PCDHA3: variants seen among roughly 807,000 people sequenced by gnomAD.
The protein encoded by PCDHA3 is protocadherin alpha 3.
PCDHA3 carries 41 observed loss-of-function variants against 62.2 expected under a neutral mutation model. The observed-to-expected ratio is 0.66, with a 90% CI of 0.51 to 0.86. The LOEUF is 0.86. Among genes scored for constraint, PCDHA3 ranks in the 40% least tolerant of loss-of-function variants. PCDHA3 has a pLI of 0.00. For synonymous variants in PCDHA3, 640 were observed against 555.4 expected (o/e 1.15, Z -2.14); for missense variants, 1,304 against 1,241.2 (o/e 1.05, Z -0.76).
chr5:140,849,738 C>T (rs1562459111), intron 1 of PCDHA3: 4 of 1,598,360 alleles, frequency 2.5e-6, no homozygotes, highest in East Asian at 2.2e-5. Flanking sequence ...AGCTCTGGAC[C>T]GCGAGAGTGT....
intron 1 of PCDHA3, chr5:140,856,983 G>A: frequency 6.3e-7 from 1 of 1,595,186 alleles, no homozygotes; most frequent in Non-Finnish European, 8.6e-7. Flanking sequence ...TTTGAGGACA[G>A]TAACACTTAT....
At chr5:140,803,976 G>T in intron 1 of PCDHA3, 2 of 309,834 alleles carry the variant, frequency 6.5e-6, no homozygotes, top group South Asian at 4.7e-5. Context: ...TTTTCATTTG[G>T]ACTTCCTACT....
At chr5:140,968,236 T>C in intron 1 of PCDHA3, 1 of 1,614,006 alleles carries the variant, frequency 6.2e-7, no homozygotes, top group East Asian at 2.2e-5. Flanking sequence ...TGCTCTGTAC[T>C]GTGCAAGCCA....
chr5:140,805,858 T>C (rs1469132230), intron 1 of PCDHA3, among the ~76,000 whole-genome samples: 1 of 152,160 alleles, frequency 6.6e-6, no homozygotes, highest in East Asian at 1.9e-4. Flanking sequence ...TCACCTTAAA[T>C]TAATGCATTT....
intron 1 of PCDHA3, chr5:140,812,382 C>T (rs1027211220): frequency 6.6e-6 from 1 of 151,602 alleles, no homozygotes; most frequent in Non-Finnish European, 1.5e-5. Context: ...TTGTTTTTTT[C>T]TTAGTCTAGC....
intron 1 of PCDHA3, chr5:140,830,444 A>G (rs1204273362): frequency 1.2e-6 from 2 of 1,603,464 alleles, no homozygotes; most frequent in African/African-American, 2.7e-5. Flanking sequence ...TATGATGGGT[A>G]AGGCGGAGAA....
chr5:140,805,459 G>A, intron 1 of PCDHA3: 1 of 1,017,546 alleles, frequency 9.8e-7, no homozygotes, highest in Non-Finnish European at 1.2e-6. Context: ...GTTTGTGTGA[G>A]TGTAGTTCTT....
At chr5:140,825,342 A>G (rs1554130192) in intron 1 of PCDHA3, 1 of 147,852 alleles carries the variant, frequency 6.8e-6, no homozygotes, top group South Asian at 2.1e-4. Flanking sequence ...ATTTTTCAAT[A>G]TATCTAATAT....
intron 1 of PCDHA3, among the ~76,000 whole-genome samples, chr5:140,909,417 G>A (rs1016868783): frequency 2.0e-5 from 3 of 152,156 alleles, no homozygotes; most frequent in Non-Finnish European, 1.5e-5. Flanking sequence ...TTACCATTTG[G>A]TTAAACTTAT....
chr5:140,961,477 G>T (rs2095615587), intron 1 of PCDHA3, among the ~76,000 whole-genome samples: 1 of 152,006 alleles, frequency 6.6e-6, no homozygotes, highest in African/African-American at 2.4e-5. Flanking sequence ...TTTTTGTCTT[G>T]TCCACGTGAG....
Position 140,816,793 on chromosome 5 carries a change from C to T in PCDHA3, c.2394+13202C>T, listed in dbSNP as rs2126675269. 4 of 147,716 alleles carry T rather than the reference C, an allele frequency of 2.7e-5. No individual in the cohort carries two copies. The East Asian group carries it at 7.9e-4, about 29-fold the overall frequency. 9.2% of individuals were successfully genotyped at this position (147,716 alleles called of 1,614,324 possible). A position where few individuals can be genotyped will look rare whatever the true frequency, so the allele number is the denominator to read the frequency against. ...ATTCCTAATTAGAGGGATCTGCCAG[C>T]TTTTTTTTTTAAGATGCTCTAATCT... On this transcript the variant is annotated intron_variant, in intron 1 of 3. Coordinates refer to ENST00000522353, the MANE Select transcript of PCDHA3 (RefSeq NM_018906.3).
intron 1 of PCDHA3, among the ~76,000 whole-genome samples, chr5:140,818,604 T>A (rs537338051): frequency 6.6e-6 from 1 of 152,274 alleles, no homozygotes; most frequent in South Asian, 2.1e-4. Flanking sequence ...GTGTGGGCCA[T>A]GACAGGAGGA....
Position 140,803,349 on chromosome 5 carries a change from T to C in PCDHA3, c.2152T>C (p.Tyr718His), listed in dbSNP as rs1763177985. Residue 718 changes from tyrosine (Y) to histidine (H), a missense_variant, in exon 1 of 4, where the codon TAT (tyrosine) becomes CAT (histidine). Tyr to His is a moderately conservative substitution (Grantham distance 83). Transcript: ENST00000522353. The stretch of plus-strand genomic sequence containing the variant: ...TCTGTTGGTGCTCACACTGCTGCTA[T>C]ATACTGCTCTGCGGTGCTCCGCGCC... ...SSLLVLTLLLYTALRCSAPPT... is the reference protein window; with the variant it reads ...SSLLVLTLLLHTALRCSAPPT... 1 of 1,614,068 alleles carries C rather than the reference T, an allele frequency of 6.2e-7. No individual in the cohort carries two copies. The highest frequency in any genetic ancestry group is 2.2e-5 in the East Asian group (1 of 44,886).
chr5:140,969,040 A>G (rs1554231380), intron 1 of PCDHA3: 1 of 1,614,150 alleles, frequency 6.2e-7, no homozygotes. Context: ...AACTGTACAA[A>G]CAAGCCAACA....
chr5:140,975,612 C>T (rs1554236918), intron 1 of PCDHA3, among the ~76,000 whole-genome samples: 1 of 152,194 alleles, frequency 6.6e-6, no homozygotes, highest in Non-Finnish European at 1.5e-5. Flanking sequence ...ATGTCTTCCA[C>T]ATGGATTTCC....
intron 1 of PCDHA3, chr5:140,876,781 G>A: frequency 6.2e-7 from 1 of 1,614,240 alleles, no homozygotes; most frequent in Non-Finnish European, 8.5e-7. Flanking sequence ...TTCGCTGTGG[G>A]CCACGGCTAG....
Position 140,823,224 on chromosome 5 carries a change from G to T in PCDHA3, c.2394+19633G>T, listed in dbSNP as rs2150123702. 6 of 1,613,550 alleles carry T rather than the reference G, an allele frequency of 3.7e-6. No homozygotes were observed. The Admixed American group carries it at 6.7e-5, about 18-fold the overall frequency. On this transcript the variant is annotated intron_variant, in intron 1 of 3. Coordinates refer to ENST00000522353, the MANE Select transcript of PCDHA3 (RefSeq NM_018906.3). Reference sequence around the variant, plus strand: ...CGGTGTCTGCACGGGACGCGGACGCGCAGGAGAACGCCCTGGTGTCCTACT... The same window carrying T: ...CGGTGTCTGCACGGGACGCGGACGCTCAGGAGAACGCCCTGGTGTCCTACT...
intron 1 of PCDHA3, chr5:140,822,039 G>C (rs2150113101): frequency 1.2e-6 from 2 of 1,614,106 alleles, no homozygotes; most frequent in African/African-American, 2.7e-5. Flanking sequence ...TGAATTCTCG[G>C]ATCGACCGGG....
At chr5:140,852,822 T>C in intron 1 of PCDHA3, 1 of 971,316 alleles carries the variant, frequency 1.0e-6, no homozygotes, top group East Asian at 1.1e-4. Flanking sequence ...CCCTAAGTCC[T>C]CCAGTCTCCT....
Sources: gnomAD v4.1 joint callset for allele counts (sites outside exome capture counted in the v4.1 genomes callset) on GRCh38, gnomAD v4.1.1 for gene constraint, MANE v1.5 for transcripts, NCBI Gene and HGNC (gene_info 2026-07-23, HGNC 2026-07-21) for gene names.